The following PCDHGA8 variants were observed in gnomAD, a reference collection of about 807,000 sequenced individuals.
PCDHGA8 encodes the protein protocadherin gamma subfamily A, 8.
PCDHGA8 carries 45 observed loss-of-function variants against 59.2 expected under a neutral mutation model. That is an observed-to-expected ratio of 0.76 (90% CI 0.60 to 0.98). The LOEUF (loss-of-function observed/expected upper bound fraction) is 0.98, where lower values mean the gene tolerates loss of function less well. PCDHGA8 is among the 50% of genes least tolerant of loss of function. The probability of loss-of-function intolerance (pLI) is 0.00; values close to 1 mark genes in which losing one functional copy is unlikely to be tolerated. For missense variants in PCDHGA8, 1,257 were observed against 1,196.2 expected (o/e 1.05, Z -0.75); for synonymous variants, 531 against 519.0 (o/e 1.02, Z -0.32).
At chr5:141,503,598 C>CAAA (rs765754054) in intron 2 of PCDHGA8, among the ~76,000 whole-genome samples, 1 of 65,748 alleles carries the variant, frequency 1.5e-5, no homozygotes. Context: ...GACTCCAGCT[C>CAAA]AAAAAAAAAA....
At chr5:141,400,883 A>G (rs1017003447) in intron 1 of PCDHGA8, among the ~76,000 whole-genome samples, 1 of 152,232 alleles carries the variant, frequency 6.6e-6, no homozygotes, top group Non-Finnish European at 1.5e-5. Flanking sequence ...AATTTAATGT[A>G]TGTAATCATT....
At chr5:141,437,249 T>G (rs2097870737) in intron 1 of PCDHGA8, among the ~76,000 whole-genome samples, 1 of 152,240 alleles carries the variant, frequency 6.6e-6, no homozygotes, top group African/African-American at 2.4e-5. Context: ...GGACTTTCCT[T>G]GTCTTTTTAT....
intron 1 of PCDHGA8, chr5:141,398,485 A>G: frequency 6.2e-7 from 1 of 1,608,602 alleles, no homozygotes; most frequent in Non-Finnish European, 8.5e-7. Context: ...TTATCACGTG[A>G]ATGTGGAGAT....
chr5:141,423,138 C>A (rs767107885), intron 1 of PCDHGA8: 3 of 1,613,606 alleles, frequency 1.9e-6, no homozygotes, highest in Non-Finnish European at 2.5e-6. Context: ...TGGACAGAGA[C>A]GCGCTCAAGC....
At chr5:141,426,702 C>CA (rs1187798274) in intron 1 of PCDHGA8, 1 of 439,184 alleles carries the variant, frequency 2.3e-6, no homozygotes, top group Admixed American at 2.4e-5. Context: ...CATTGTTTTA[C>CA]AAATCAATGA....
intron 1 of PCDHGA8, among the ~76,000 whole-genome samples, chr5:141,448,975 T>C (rs888432093): frequency 6.6e-6 from 1 of 151,970 alleles, no homozygotes; most frequent in African/African-American, 2.4e-5. Flanking sequence ...AAAAAAGAAC[T>C]TCCATATTAA....
intron 1 of PCDHGA8, among the ~76,000 whole-genome samples, chr5:141,454,195 T>C (rs1295815862): frequency 6.6e-6 from 1 of 152,136 alleles, no homozygotes; most frequent in Admixed American, 6.6e-5. Context: ...TTAGTGAAGG[T>C]GAATTTATTG....
In PCDHGA8 at chr5:141,408,231, G is replaced by A. The variant is rs775180708; in HGVS notation, c.2424+12994G>A. On this transcript the variant is annotated intron_variant, in intron 1 of 3. Coordinates refer to ENST00000398604, the MANE Select transcript of PCDHGA8 (RefSeq NM_032088.2). ...GGAGGGAGCTGCGCGCAGAGGCGCC[G>A]GGCCGGCCCGCGGCAGGTGCTATTT... 5 of 1,567,976 alleles carry A rather than the reference G, an allele frequency of 3.2e-6. No individual in the cohort carries two copies. In the African/African-American group the frequency reaches 5.4e-5, roughly 17 times the overall value.
At position 141,393,547 on chromosome 5, in the gene PCDHGA8, C is replaced by G. The variant is rs761723933; in HGVS notation, c.734C>G (p.Pro245Arg). 11 of 1,613,820 alleles carry G rather than the reference C, an allele frequency of 6.8e-6. No homozygotes were observed. The African/African-American group carries it at 9.3e-5, about 14-fold the overall frequency. Residue 245 changes from proline (P) to arginine (R), a missense_variant, in exon 1 of 4, where the codon CCG becomes CGG. By Grantham distance (103) the Pro-to-Arg change is moderately radical. Transcript: ENST00000398604. Reference protein sequence around the residue: ...TNDNAPVFPHPIYRVKVLENM... With the variant: ...TNDNAPVFPHRIYRVKVLENM... ...GACAATGCCCCGGTTTTTCCTCACCCGATTTACCGAGTGAAAGTCCTTGAG... is the reference window on the plus strand; with the variant it reads ...GACAATGCCCCGGTTTTTCCTCACCGGATTTACCGAGTGAAAGTCCTTGAG...
intron 1 of PCDHGA8, among the ~76,000 whole-genome samples, chr5:141,406,290 G>A (rs2094788974): frequency 6.6e-6 from 1 of 151,998 alleles, no homozygotes; most frequent in Non-Finnish European, 1.5e-5. Flanking sequence ...AAAGCACTGG[G>A]TGAGGTGTGA....
At chr5:141,438,627 TATATATATAC>T (rs572501359) in intron 1 of PCDHGA8, among the ~76,000 whole-genome samples, 778 of 47,938 alleles carry the variant, frequency 0.016, 4 homozygotes, top group East Asian at 0.059. Context: ...TATATATATA[TATATATATAC>T]ACACACACAC....
intron 2 of PCDHGA8, among the ~76,000 whole-genome samples, chr5:141,500,259 A>G (rs1595658540): frequency 6.6e-6 from 1 of 151,044 alleles, no homozygotes; most frequent in East Asian, 2.0e-4. Context: ...CCCAGGCTGG[A>G]CTGCAGTGGC....
chr5:141,417,940 C>A, intron 1 of PCDHGA8: 2 of 1,613,054 alleles, frequency 1.2e-6, no homozygotes, highest in Non-Finnish European at 1.7e-6. Flanking sequence ...TGTTCTACCC[C>A]ACGCTGTGTG....
At chr5:141,396,661 A>T (rs2093417070) in intron 1 of PCDHGA8, 1 of 152,162 alleles carries the variant, frequency 6.6e-6, no homozygotes, top group Admixed American at 6.5e-5. Flanking sequence ...AACTCGGTAT[A>T]GGCTATCCAT....
chr5:141,392,877 A>G lies in PCDHGA8; in HGVS notation c.64A>G (p.Thr22Ala). The G allele has an allele frequency of 1.2e-6, 2 of 1,613,506 alleles. No individual in the cohort carries two copies. Among genetic ancestry groups the G allele is most frequent in the Non-Finnish European group, 1.7e-6 (2 of 1,179,818 alleles). ...GATCCTGCTGTGCGCGCTGCTGGGA[A>G]CGCTGTGGGAAATCGGGAGGGGACA... ...ELILLCALLG[T>A]LWEIGRGQIR... The change falls in exon 1 of 4, where the codon ACG becomes GCG. Residue 22 changes from threonine to alanine, a missense_variant. Physicochemically the swap from Thr to Ala is moderately conservative, Grantham distance 58 (BLOSUM62 0). Transcript: ENST00000398604.
At position 141,422,164 on chromosome 5, in the gene PCDHGA8, T is replaced by C. The variant is rs2096630287; in HGVS notation, c.2424+26927T>C. 2 of 1,568,668 alleles carry C rather than the reference T, an allele frequency of 1.3e-6. No homozygotes were observed. Among genetic ancestry groups the C allele is most frequent in the Non-Finnish European group, 1.7e-6 (2 of 1,162,894 alleles). On this transcript the variant is annotated intron_variant, in intron 1 of 3. Coordinates refer to ENST00000398604, the MANE Select transcript of PCDHGA8 (RefSeq NM_032088.2). ...ACGGGGGTCTCTGGATTTTGAAAAA[T>C]ATAGATTCTATGAGATGGAAATTCA... is the stretch of plus-strand genomic sequence containing the variant.
At chr5:141,417,772 C>A (rs2240701) in intron 1 of PCDHGA8, 340,590 of 1,455,726 alleles carry the variant, frequency 0.23, 43,476 homozygotes, top group African/African-American at 0.5. Flanking sequence ...GGGACTCCTC[C>A]TGTCCTGGGC....
intron 1 of PCDHGA8, chr5:141,492,046 A>C: frequency 6.1e-6 from 3 of 494,434 alleles, no homozygotes; most frequent in South Asian, 8.1e-5. Flanking sequence ...TCACAGATCC[A>C]CCCCTGCAGC....
intron 2 of PCDHGA8, among the ~76,000 whole-genome samples, chr5:141,503,292 A>G (rs7710319): frequency 6.6e-6 from 1 of 151,928 alleles, no homozygotes; most frequent in African/African-American, 2.4e-5. Flanking sequence ...TGGTACATAG[A>G]AATTGCTCAA....
Sources: allele counts gnomAD v4.1 joint callset (sites outside exome capture counted in the v4.1 genomes callset), GRCh38; gene constraint gnomAD v4.1.1; transcripts MANE v1.5; gene names NCBI Gene and HGNC (gene_info 2026-07-23, HGNC 2026-07-21).